PTGER4: variants seen among roughly 807,000 people sequenced by gnomAD.
PTGER4 encodes prostaglandin E2 receptor EP4 subtype.
Under a neutral mutation model 33.2 loss-of-function variants are expected in PTGER4, and 11 were observed. The observed-to-expected ratio is 0.33, with a 90% confidence interval of 0.21 to 0.55. PTGER4 has a LOEUF of 0.55. Ranked by LOEUF, PTGER4 falls within the 20% of genes least tolerant of loss-of-function variation. The pLI is 0.92. For missense variants in PTGER4, 481 were observed against 650.2 expected (o/e 0.74, Z 2.83); for synonymous variants, 275 against 281.5 (o/e 0.98, Z 0.23).
chr5:40,733,768 C>G, the PTGER4 span, among the ~76,000 whole-genome samples: 1 of 152,176 alleles, frequency 6.6e-6, no homozygotes, highest in Non-Finnish European at 1.5e-5. Context: ...TCCCCAACCC[C>G]ACAAAGCTGC....
At chr5:40,712,433 A>G in the PTGER4 span, among the ~76,000 whole-genome samples, 1 of 152,158 alleles carries the variant, frequency 6.6e-6, no homozygotes, top group Non-Finnish European at 1.5e-5. Context: ...TGAGACACAG[A>G]CAGATGGAGA....
chr5:40,707,674 A>G, the PTGER4 span, among the ~76,000 whole-genome samples: 1 of 152,206 alleles, frequency 6.6e-6, no homozygotes, highest in Admixed American at 6.6e-5. Flanking sequence ...CTCTGCACCA[A>G]GTCGACCTAA....
chr5:40,680,986 C>A lies in PTGER4; in HGVS notation c.-8C>A, dbSNP rs1446531605. ...GCACTCCAAGGCTGCGCACCGCCAG[C>A]CACTATCATGTCCACTCCCGGGGTC... On this transcript the variant is annotated 5_prime_UTR_variant, in exon 2 of 3. Coordinates refer to ENST00000302472, the MANE Select transcript of PTGER4 (RefSeq NM_000958.3). The surrounding 1 kb of genome is among the most constrained non-coding windows in gnomAD (Gnocchi z 5.5). 6.2e-7 allele frequency: 1 copy of A among 1,600,918 alleles called. No homozygotes were observed.
chr5:40,708,945 C>T, the PTGER4 span, among the ~76,000 whole-genome samples: 1 of 152,154 alleles, frequency 6.6e-6, no homozygotes, highest in African/African-American at 2.4e-5. Context: ...ATGATTATCT[C>T]AATAGATGCA....
At chr5:40,726,007 A>C in the PTGER4 span, among the ~76,000 whole-genome samples, 2 of 151,416 alleles carry the variant, frequency 1.3e-5, no homozygotes, top group South Asian at 2.1e-4. Flanking sequence ...GGATGGTCTC[A>C]ATCTCCTGAC....
At chr5:40,726,561 T>C in the PTGER4 span, among the ~76,000 whole-genome samples, 1 of 147,046 alleles carries the variant, frequency 6.8e-6, no homozygotes, top group East Asian at 2.0e-4. Flanking sequence ...AAAAAAAAAA[T>C]ACTTTCAATT....
the PTGER4 span, among the ~76,000 whole-genome samples, chr5:40,711,209 T>C: frequency 6.6e-6 from 1 of 152,010 alleles, no homozygotes; most frequent in Non-Finnish European, 1.5e-5. Context: ...AATAAGAAGA[T>C]GACTTAAATC....
downstream of PTGER4, among the ~76,000 whole-genome samples, chr5:40,697,238 GA>G (rs1483736891): frequency 1.1e-4 from 4 of 37,602 alleles, no homozygotes; most frequent in African/African-American, 2.7e-4. Context: ...AAGAAAGAAA[GA>G]AAGAAAGAAA....
the PTGER4 span, chr5:40,728,526 GC>G: frequency 6.7e-7 from 1 of 1,503,280 alleles, no homozygotes; most frequent in South Asian, 1.3e-5. Flanking sequence ...TCATAAACTA[GC>G]AACTACATAA....
At chr5:40,724,384 C>T in the PTGER4 span, among the ~76,000 whole-genome samples, 19 of 152,084 alleles carry the variant, frequency 1.2e-4, no homozygotes, top group Admixed American at 5.9e-4. Flanking sequence ...CCTGTAATCC[C>T]GGAACATTGG....
In PTGER4 at chr5:40,692,555, C is replaced by G. The variant is rs1485013258; in HGVS notation, c.*177C>G. On this transcript the variant is annotated 3_prime_UTR_variant, in exon 3 of 3. Transcript: ENST00000302472. ...ACAATCAAGTTGACTCACGTGGGTCCTGAGGCCTGCAGCACGTCGGATGCT... is the reference window on the plus strand; with the variant it reads ...ACAATCAAGTTGACTCACGTGGGTCGTGAGGCCTGCAGCACGTCGGATGCT... 1 of 1,405,810 alleles carries G rather than the reference C, an allele frequency of 7.1e-7. No individual in the cohort carries two copies. Among genetic ancestry groups the G allele is most frequent in the East Asian group, 2.6e-5 (1 of 38,392 alleles). 87.1% of individuals were successfully genotyped at this position (1,405,810 alleles called of 1,614,324 possible).
In PTGER4 at chr5:40,691,193, GTTT is replaced by G. The variant is rs1741460629; in HGVS notation, c.868-581_868-579del. ...GTGCCGCCACACCTGGCTAATTTTT[GTTT>G]TTTTGAGACGGAGTCTCGCTCTGTC... On this transcript the variant is annotated intron_variant, in intron 2 of 2. Transcript: ENST00000302472. The surrounding 1 kb of genome is among the most constrained non-coding windows in gnomAD (Gnocchi z 4.2). Among the ~76,000 whole-genome samples the G allele has an allele frequency of 6.6e-6, 1 of 151,118 alleles. No individual in the cohort carries two copies. Among genetic ancestry groups the G allele is most frequent in the Non-Finnish European group, 1.5e-5 (1 of 67,720 alleles).
chr5:40,698,035 T>C (rs560142763), downstream of PTGER4, among the ~76,000 whole-genome samples: 1 of 134,192 alleles, frequency 7.5e-6, no homozygotes, highest in South Asian at 2.4e-4. Flanking sequence ...TACCACATGG[T>C]CTCACTTGCA....
At chr5:40,722,430 T>C in the PTGER4 span, among the ~76,000 whole-genome samples, 9 of 144,708 alleles carry the variant, frequency 6.2e-5, no homozygotes, top group Non-Finnish European at 1.2e-4. Flanking sequence ...GGAGCGCCTC[T>C]TCCCGGCCGT....
chr5:40,746,060 A>G, the PTGER4 span, among the ~76,000 whole-genome samples: 1 of 152,194 alleles, frequency 6.6e-6, no homozygotes, highest in Non-Finnish European at 1.5e-5. Flanking sequence ...TGTGCATGGT[A>G]TTAGATACAG....
the PTGER4 span, chr5:40,730,467 G>A: frequency 6.0e-6 from 4 of 669,132 alleles, no homozygotes; most frequent in East Asian, 8.3e-5. Flanking sequence ...GTACAGTTCA[G>A]AGGCATTAAG....
chr5:40,727,731 A>T, the PTGER4 span, among the ~76,000 whole-genome samples: 1 of 152,194 alleles, frequency 6.6e-6, no homozygotes, highest in Admixed American at 6.5e-5. Context: ...AACTAAGCCA[A>T]AAAGTTGCCT....
Position 40,679,988 on chromosome 5 carries a change from A to T in PTGER4, c.-534A>T, listed in dbSNP as rs949918129. Reference sequence around the variant, plus strand: ...AGGAAGATGAACAGCCCCAGGCCAGAGCCTCTGGCAGAGTGGACCCCGAGC... The same window carrying T: ...AGGAAGATGAACAGCCCCAGGCCAGTGCCTCTGGCAGAGTGGACCCCGAGC... On this transcript the variant is annotated 5_prime_UTR_variant, in exon 1 of 3. Transcript: ENST00000302472. 2 of 152,618 alleles carry T rather than the reference A, an allele frequency of 1.3e-5. No individual in the cohort carries two copies. The highest frequency in any genetic ancestry group is 2.9e-5 in the Non-Finnish European group (2 of 68,394). The allele number at this position is 152,618 out of a possible 1,614,324, so 9.5% of individuals were successfully genotyped here.
the PTGER4 span, among the ~76,000 whole-genome samples, chr5:40,713,066 A>C: frequency 6.6e-6 from 1 of 152,142 alleles, no homozygotes; most frequent in Non-Finnish European, 1.5e-5. Context: ...ATTCTTTATT[A>C]TCAAATACAT....
Sources: gnomAD v4.1 joint callset for allele counts (sites outside exome capture counted in the v4.1 genomes callset) on GRCh38, gnomAD v4.1.1 for gene constraint, Gnocchi (gnomAD v3.1) non-coding constraint, MANE v1.5 for transcripts, NCBI Gene and HGNC (gene_info 2026-07-23, HGNC 2026-07-21) for gene names.